Variants in BLMH observed in about 807,000 individuals in gnomAD.
BLMH encodes the protein bleomycin hydrolase, also known as BLM hydrolase.
In BLMH, 32 loss-of-function variants were observed where a neutral mutation model predicts 61.6. The ratio of observed to expected loss-of-function variants is 0.52; its 90% confidence interval spans 0.39 to 0.70. The LOEUF is 0.70. Among genes scored for constraint, BLMH ranks in the 30% least tolerant of loss-of-function variants. The pLI is 0.00. For missense variants in BLMH, 460 were observed against 555.5 expected, an observed-to-expected ratio of 0.83 and a Z score of 1.73; for synonymous variants, 183 against 193.8, an observed-to-expected ratio of 0.94 and a Z score of 0.46.
At chr17:30,288,288 A>G in intron 3 of BLMH, 1 of 200,826 alleles carries the variant, frequency 5.0e-6, no homozygotes, top group Non-Finnish European at 1.0e-5. Flanking sequence ...TATATTGTGT[A>G]TATGTGTACA....
intron 11 of BLMH, chr17:30,252,247 GT>G (rs1473321214): frequency 6.6e-6 from 1 of 152,142 alleles, no homozygotes; most frequent in Admixed American, 6.6e-5. Context: ...ATACTGGTAA[GT>G]CTAATTTTGT....
At position 30,291,778 on chromosome 17, in the gene BLMH, G is replaced by A. The variant is rs201772650; in HGVS notation, c.13+29C>T. Reference sequence around the variant, plus strand: ...CGGGGACCGCGGAGCTCCTCCAGAGGACCGCGGCGGGGGACGGCGGCACCT... The same window carrying A: ...CGGGGACCGCGGAGCTCCTCCAGAGAACCGCGGCGGGGGACGGCGGCACCT... On this transcript the variant is annotated intron_variant, in intron 1 of 11. Coordinates refer to ENST00000261714, the MANE Select transcript of BLMH (RefSeq NM_000386.4). 3,305 of 1,407,808 alleles carry A rather than the reference G, an allele frequency of 2.3e-3. 80 individuals are homozygous for A. In the African/African-American group the frequency reaches 0.043, roughly 19 times the overall value. The allele number at this position is 1,407,808 out of a possible 1,614,324, so 87.2% of individuals were successfully genotyped here.
intron 11 of BLMH, among the ~76,000 whole-genome samples, chr17:30,262,738 T>C (rs1398613985): frequency 6.6e-6 from 1 of 152,130 alleles, no homozygotes; most frequent in African/African-American, 2.4e-5. Context: ...AAGCTTGCAG[T>C]GAGCTGAGAT....
At chr17:30,273,719 C>T (rs561244722) in intron 7 of BLMH, 9 of 321,542 alleles carry the variant, frequency 2.8e-5, no homozygotes, top group South Asian at 2.2e-4. Flanking sequence ...TCTGAATCCA[C>T]GATAAGAAAT....
chr17:30,274,204 G>A lies in BLMH; in HGVS notation c.646-7C>T. 1.9e-6 allele frequency: 3 copies of A among 1,612,866 alleles called. No homozygotes were observed. The highest frequency in any genetic ancestry group is 2.5e-6 in the Non-Finnish European group (3 of 1,179,606). On this transcript the variant is annotated splice_region_variant and splice_polypyrimidine_tract_variant and intron_variant, in intron 6 of 11. Coordinates refer to ENST00000261714, the MANE Select transcript of BLMH (RefSeq NM_000386.4). ...TGCACACCACTCGGAATATCTGGAA[G>A]AGAGGAGGAGGAAAGGCGAGCAATG...
Position 30,287,870 on chromosome 17 carries a change from C to T in BLMH, c.399G>A (p.Val133=), listed in dbSNP as rs1908773761. 6.2e-7 allele frequency: 1 copy of T among 1,614,168 alleles called. No individual in the cohort carries two copies. Among genetic ancestry groups the T allele is most frequent in the Non-Finnish European group, 8.5e-7 (1 of 1,180,004 alleles). ...QRKEPEDGRL[V]QFLLMNPAND... ...TTGCAGGGTTCATAAGCAAAAACTG[C>T]ACCAGCCTCCCATCCTCAGGCTCCT... Residue 133 remains valine (V), a synonymous_variant, in exon 4 of 12, where the codon GTG becomes GTA. Coordinates refer to ENST00000261714, the MANE Select transcript of BLMH (RefSeq NM_000386.4).
Position 30,272,741 on chromosome 17 carries a change from C to T in BLMH, c.960G>A (p.Glu320=). 1.2e-6 allele frequency: 2 copies of T among 1,614,170 alleles called. No individual in the cohort carries two copies. The highest frequency in any genetic ancestry group is 1.7e-6 in the Non-Finnish European group (2 of 1,180,016). ...KMVAASIKDG[E]AVWFGCDVGK... ...TGCAAAATACAGAAACAATACCAAC[C>T]TCTCCATCTTTGATGGAGGCAGCAA... Residue 320 remains glutamate (E), a splice_region_variant and synonymous_variant, in exon 8 of 12, where the codon GAG becomes GAA. Coordinates refer to ENST00000261714, the MANE Select transcript of BLMH (RefSeq NM_000386.4).
At position 30,287,036 on chromosome 17, in the gene BLMH, A is replaced by G; in HGVS notation, c.464-134T>C. 3 of 644,742 alleles carry G rather than the reference A, an allele frequency of 4.7e-6. No homozygotes were observed. The South Asian group carries it at 5.9e-5, about 13-fold the overall frequency. The allele number at this position is 644,742 out of a possible 1,614,324, so 39.9% of individuals were successfully genotyped here. A position where few individuals can be genotyped will look rare whatever the true frequency, so the allele number is the denominator to read the frequency against. On this transcript the variant is annotated intron_variant, in intron 4 of 11. Transcript: ENST00000261714. ...AATCTTATACTTCATATTATGAAGCAGGGTTTTTTGTTTTTTGTTTTTTGT... is the reference window on the plus strand; with the variant it reads ...AATCTTATACTTCATATTATGAAGCGGGGTTTTTTGTTTTTTGTTTTTTGT...
intron 10 of BLMH, among the ~76,000 whole-genome samples, chr17:30,268,867 T>C (rs1298372209): frequency 7.3e-6 from 1 of 137,844 alleles, no homozygotes; most frequent in Non-Finnish European, 1.5e-5. Context: ...CGAAACCCTA[T>C]CTCTACTAAA....
intron 6 of BLMH, among the ~76,000 whole-genome samples, chr17:30,274,938 C>A (rs1288003335): frequency 6.6e-6 from 1 of 151,654 alleles, no homozygotes; most frequent in Admixed American, 6.6e-5. Context: ...ATGATCGTGC[C>A]ACTACACTCC....
In BLMH at chr17:30,271,262, G is replaced by C. The variant is rs200295640; in HGVS notation, c.1146+9C>G. 22 of 1,583,790 alleles carry C rather than the reference G, an allele frequency of 1.4e-5. No homozygotes were observed. Among genetic ancestry groups the C allele is most frequent in the Non-Finnish European group, 1.9e-5 (22 of 1,152,646 alleles). Reference sequence around the variant, plus strand: ...GCAAACACTCCAGCAGGCATGCTGAGGGTCATACCTTCTCTGAGACAGCAG... The same window carrying C: ...GCAAACACTCCAGCAGGCATGCTGACGGTCATACCTTCTCTGAGACAGCAG... On this transcript the variant is annotated intron_variant, in intron 10 of 11. Transcript: ENST00000261714.
chr17:30,271,323 A>G lies in BLMH; in HGVS notation c.1094T>C (p.Phe365Ser), dbSNP rs766504214. The G allele has an allele frequency of 1.3e-5, 21 of 1,614,082 alleles. No homozygotes were observed. Among genetic ancestry groups the G allele is most frequent in the Non-Finnish European group, 1.7e-5 (20 of 1,180,042 alleles). ...GGCGTGGGTCATAAGTGACTCACCA[A>G]AAGTCAGCCTCTCCGCTTTATTCAT... is the stretch of plus-strand genomic sequence containing the variant. ...KNMNKAERLT[F>S]GESLMTHAMT... Residue 365 changes from phenylalanine to serine, a missense_variant, in exon 10 of 12, where the codon TTT becomes TCT. Phe to Ser is a radical substitution (Grantham distance 155, BLOSUM62 -2). Coordinates refer to ENST00000261714, the MANE Select transcript of BLMH (RefSeq NM_000386.4).
chr17:30,256,487 C>T (rs1907819269), intron 11 of BLMH, among the ~76,000 whole-genome samples: 2 of 152,136 alleles, frequency 1.3e-5, no homozygotes, highest in Admixed American at 1.3e-4. Flanking sequence ...CACCACCATG[C>T]CCAGCTAATT....
intron 2 of BLMH, 144 bp downstream of exon 2, chr17:30,291,167 G>C (rs542844247): frequency 2.0e-6 from 2 of 1,025,178 alleles, no homozygotes; most frequent in Non-Finnish European, 2.8e-6. Flanking sequence ...AATGTTCTTA[G>C]ACCTGCCTGT....
chr17:30,260,626 T>A (rs1426306143), intron 11 of BLMH, among the ~76,000 whole-genome samples: 1 of 152,130 alleles, frequency 6.6e-6, no homozygotes, highest in Non-Finnish European at 1.5e-5. Context: ...ACACCTGTAA[T>A]CCCAGCACTT....
chr17:30,287,961 A>G lies in BLMH; in HGVS notation c.322-14T>C, dbSNP rs1908775651. On this transcript the variant is annotated splice_polypyrimidine_tract_variant and intron_variant, in intron 3 of 11. Coordinates refer to ENST00000261714, the MANE Select transcript of BLMH (RefSeq NM_000386.4). ...ACAGCGTTCAACCTAAAGAGTAAAGAAAGTTAAATAACATTAAAAGAAAAA... is the reference window on the plus strand; with the variant it reads ...ACAGCGTTCAACCTAAAGAGTAAAGGAAGTTAAATAACATTAAAAGAAAAA... 1 of 1,600,348 alleles carries G rather than the reference A, an allele frequency of 6.2e-7. No individual in the cohort carries two copies. The highest frequency in any genetic ancestry group is 1.3e-5 in the African/African-American group (1 of 74,122).
intron 2 of BLMH, chr17:30,290,957 T>C (rs1394030501): frequency 1.7e-5 from 4 of 232,686 alleles, no homozygotes; most frequent in Non-Finnish European, 2.6e-5. Flanking sequence ...TTCTGGGGAG[T>C]CCTCCAAAGA....
intron 6 of BLMH, among the ~76,000 whole-genome samples, chr17:30,282,632 T>A (rs114157312): frequency 0.028 from 4,191 of 152,330 alleles, 189 homozygotes; most frequent in African/African-American, 0.095. Context: ...GCCTGTCATC[T>A]CAACAAGCAG....
chr17:30,278,925 A>G (rs1222521168), intron 6 of BLMH, among the ~76,000 whole-genome samples: 1 of 152,198 alleles, frequency 6.6e-6, no homozygotes, highest in African/African-American at 2.4e-5. Context: ...CCTGCCTCCC[A>G]GAGTGCTGGG....
Sources: allele counts gnomAD v4.1 joint callset (sites outside exome capture counted in the v4.1 genomes callset), GRCh38; gene constraint gnomAD v4.1.1; transcripts MANE v1.5; gene names NCBI Gene and HGNC (gene_info 2026-07-23, HGNC 2026-07-21).